The following ECT2L variants were observed in gnomAD, a reference collection of about 807,000 sequenced individuals.
ECT2L encodes the protein epithelial cell-transforming sequence 2 oncogene-like.
In ECT2L, 126 loss-of-function variants were observed where a neutral mutation model predicts 122.8. That is an observed-to-expected ratio of 1.03 (90% CI 0.89 to 1.19). The LOEUF (loss-of-function observed/expected upper bound fraction) is 1.19. ECT2L is among the 50% of genes most tolerant of loss of function. The probability of loss-of-function intolerance (pLI) is 0.00; values close to 1 mark genes in which losing one functional copy is unlikely to be tolerated. For missense variants in ECT2L, 1,012 were observed against 1,064.1 expected (o/e 0.95, Z 0.68); for synonymous variants, 385 against 381.8 (o/e 1.01, Z -0.10).
At chr6:138,815,367 A>G (rs1776031679) in intron 4 of ECT2L, among the ~76,000 whole-genome samples, 1 of 152,202 alleles carries the variant, frequency 6.6e-6, no homozygotes, top group African/African-American at 2.4e-5. Flanking sequence ...GAAATTCAAG[A>G]TATGTGTGGA....
intron 4 of ECT2L, chr6:138,822,828 G>C: frequency 6.2e-7 from 1 of 1,613,720 alleles, no homozygotes; most frequent in South Asian, 1.1e-5. Flanking sequence ...CAGTCAATAT[G>C]AATTGATCTG....
At position 138,843,774 on chromosome 6, in the gene ECT2L, C is replaced by T. The variant is rs115870623; in HGVS notation, c.595+543C>T. Among the ~76,000 whole-genome samples the T allele has an allele frequency of 8.6e-3, 1,316 of 152,288 alleles. 22 individuals are homozygous for T. The highest frequency in any genetic ancestry group is 0.03 in the African/African-American group (1,245 of 41,544). On this transcript the variant is annotated intron_variant, in intron 6 of 21. Coordinates refer to ENST00000541398, the MANE Select transcript of ECT2L (RefSeq NM_001077706.3). ...TATGATCTCTGGCTCACTGCAGCCT[C>T]GATTTCTGAGGCTCAAGTGATCCTC...
intron 1 of ECT2L, among the ~76,000 whole-genome samples, chr6:138,803,304 A>G (rs1399662688): frequency 8.0e-6 from 1 of 124,678 alleles, no homozygotes; most frequent in Non-Finnish European, 1.6e-5. Flanking sequence ...TCAAATTTGT[A>G]CATATATGCA....
chr6:138,896,572 G>A (rs1779220562), intron 20 of ECT2L, among the ~76,000 whole-genome samples: 1 of 152,200 alleles, frequency 6.6e-6, no homozygotes. Context: ...CAGGCTAGGT[G>A]ATAATCAGTT....
At chr6:138,830,647 G>T (rs11155012) in intron 4 of ECT2L, among the ~76,000 whole-genome samples, 17 of 151,880 alleles carry the variant, frequency 1.1e-4, no homozygotes, top group Admixed American at 5.9e-4. Flanking sequence ...TGCAGTTTTC[G>T]GTATGAACAA....
At chr6:138,881,236 G>T in intron 15 of ECT2L, 65 bp downstream of exon 15, 2 of 1,484,182 alleles carry the variant, frequency 1.3e-6, no homozygotes, top group South Asian at 2.4e-5. Flanking sequence ...ATGCTTTATT[G>T]TTTCAAAAGC....
Position 138,900,152 on chromosome 6 carries a change from T to C in ECT2L, c.2415-796T>C, listed in dbSNP as rs545064994. On this transcript the variant is annotated intron_variant, in intron 20 of 21. Transcript: ENST00000541398. ...CTTTCCAATCAAAAGTAAAAATGTT[T>C]ATATTTACTTCTACATAGTTAAATG... 1.6e-4 allele frequency among the ~76,000 whole-genome samples: 25 copies of C among 152,368 alleles called. No individual in the cohort carries two copies. In the South Asian group the frequency reaches 5.2e-3, roughly 32 times the overall value.
chr6:138,813,348 A>T lies in ECT2L; in HGVS notation c.66+8A>T, dbSNP rs377461352. ...AAGTCATTAAATAGACAGGTAAGTTACATACTTTAAAACAGAACAAGTTTA... is the reference window on the plus strand; with the variant it reads ...AAGTCATTAAATAGACAGGTAAGTTTCATACTTTAAAACAGAACAAGTTTA... On this transcript the variant is annotated splice_region_variant and intron_variant, in intron 3 of 21. Coordinates refer to ENST00000541398, the MANE Select transcript of ECT2L (RefSeq NM_001077706.3). 1.9e-6 allele frequency: 3 copies of T among 1,603,592 alleles called. No homozygotes were observed. The highest frequency in any genetic ancestry group is 2.6e-6 in the Non-Finnish European group (3 of 1,174,570).
In ECT2L at chr6:138,871,720, C is replaced by T. The variant is rs377398194; in HGVS notation, c.1578+3514C>T. Among the ~76,000 whole-genome samples the T allele has an allele frequency of 1.5e-4, 23 of 152,070 alleles. 2 individuals carry two copies. Among genetic ancestry groups the T allele is most frequent in the African/African-American group, 5.5e-4 (23 of 41,486 alleles). ...ACTTGGGAGGCTGAGGCAGGAGAAT[C>T]GCTGAACCAGGGAGGTAGAGGTTGT... On this transcript the variant is annotated intron_variant, in intron 13 of 21. Transcript: ENST00000541398.
rs899362249 is a variant in ECT2L, at chr6:138,846,817, GC to G, written c.903+142del. The stretch of plus-strand genomic sequence containing the variant: ...ATTCAACTTCTAAAAGGAAAATCAA[GC>G]CAGGTGTGGTGGCACTAACTGTAGT... On this transcript the variant is annotated intron_variant, in intron 8 of 21. Transcript: ENST00000541398. The G allele has an allele frequency of 1.4e-5, 15 of 1,043,790 alleles. No individual in the cohort carries two copies. The African/African-American group carries it at 2.0e-4, about 14-fold the overall frequency. The allele number at this position is 1,043,790 out of a possible 1,614,324, so 64.7% of individuals were successfully genotyped here. A position where few individuals can be genotyped will look rare whatever the true frequency, so the allele number is the denominator to read the frequency against.
chr6:138,848,347 T>C (rs929982720), intron 8 of ECT2L, among the ~76,000 whole-genome samples: 95 of 152,262 alleles, frequency 6.2e-4, no homozygotes, highest in African/African-American at 2.2e-3. Flanking sequence ...AACCACCATC[T>C]CAAAAAAGAA....
intron 10 of ECT2L, among the ~76,000 whole-genome samples, chr6:138,855,437 A>G (rs1330636370): frequency 6.6e-6 from 1 of 152,194 alleles, no homozygotes; most frequent in Admixed American, 6.5e-5. Context: ...TGAACCTGGG[A>G]GGCAGAGGTT....
Position 138,810,125 on chromosome 6 carries a change from G to T in ECT2L, c.-243-2713G>T, listed in dbSNP as rs149747190. Among the ~76,000 whole-genome samples, 196 of 152,310 alleles carry T rather than the reference G, an allele frequency of 1.3e-3. 1 individual carries two copies. Among genetic ancestry groups the T allele is most frequent in the African/African-American group, 4.5e-3 (186 of 41,564 alleles). ...GGCCACGTTTGCCAAAGTACTAGAA[G>T]AAATAGAGGAGCTCAGAAGATATTT... On this transcript the variant is annotated intron_variant, in intron 1 of 21. Transcript: ENST00000541398.
intron 18 of ECT2L, among the ~76,000 whole-genome samples, chr6:138,886,300 C>T (rs879491643): frequency 3.9e-5 from 6 of 152,206 alleles, no homozygotes; most frequent in Admixed American, 3.9e-4. Context: ...TGTAAACAGG[C>T]ATCTGGGCTG....
intron 4 of ECT2L, among the ~76,000 whole-genome samples, chr6:138,824,541 TA>T (rs147704560): frequency 0.45 from 54,136 of 120,968 alleles, 11,972 homozygotes; most frequent in East Asian, 0.61. Flanking sequence ...AAAAAAGCAA[TA>T]AAAAAAAAAA....
chr6:138,878,269 T>C (rs899224508), intron 14 of ECT2L, among the ~76,000 whole-genome samples: 2 of 151,242 alleles, frequency 1.3e-5, no homozygotes, highest in Admixed American at 6.6e-5. Flanking sequence ...ATTCTCCAAT[T>C]GAACAAGGTA....
intron 4 of ECT2L, among the ~76,000 whole-genome samples, chr6:138,837,654 AAAC>A (rs1776886983): frequency 1.3e-5 from 2 of 150,200 alleles, no homozygotes; most frequent in Non-Finnish European, 3.0e-5. Flanking sequence ...AAAAAAAAAA[AAAC>A]AACAATTAAA....
chr6:138,831,861 T>A (rs1414354430), intron 4 of ECT2L, among the ~76,000 whole-genome samples: 1 of 152,186 alleles, frequency 6.6e-6, no homozygotes, highest in Non-Finnish European at 1.5e-5. Flanking sequence ...GATCATGTAT[T>A]CCTTTGAGAA....
intron 4 of ECT2L, among the ~76,000 whole-genome samples, chr6:138,816,074 G>T (rs1776057588): frequency 6.6e-6 from 1 of 152,144 alleles, no homozygotes; most frequent in Non-Finnish European, 1.5e-5. Flanking sequence ...GAAAAATCAG[G>T]GGGAAGACAT....
Sources: allele counts gnomAD v4.1 joint callset (sites outside exome capture counted in the v4.1 genomes callset), GRCh38; gene constraint gnomAD v4.1.1; transcripts MANE v1.5; gene names NCBI Gene and HGNC (gene_info 2026-07-23, HGNC 2026-07-21).